Variants in FUBP3 observed in about 807,000 individuals in gnomAD.
FUBP3 encodes the protein far upstream element binding protein 3.
FUBP3 carries 28 observed loss-of-function variants against 85.6 expected under a neutral mutation model. The observed-to-expected ratio is 0.33, with a 90% confidence interval of 0.24 to 0.45. FUBP3 has a LOEUF of 0.45. Ranked by LOEUF, FUBP3 falls within the 20% of genes least tolerant of loss-of-function variation. FUBP3 has a pLI of 1.00. For missense variants in FUBP3, 583 were observed against 755.1 expected (o/e 0.77, Z 2.67); for synonymous variants, 271 against 271.4 (o/e 1.00, Z 0.01).
Position 130,595,510 on chromosome 9 carries a change from C to A in FUBP3, c.112C>A (p.His38Asn). The A allele has an allele frequency of 6.3e-7, 1 of 1,575,230 alleles. No individual in the cohort carries two copies. Among genetic ancestry groups the A allele is most frequent in the Non-Finnish European group, 8.7e-7 (1 of 1,144,544 alleles). ...QIAAKIDSIP[H>N]LNNSTPLVDP... ...TGCTGCTAAAATTGATTCAATTCCT[C>A]ACTTGAATAATTCCACACCTCTAGT... Residue 38 changes from histidine to asparagine, a missense_variant, in exon 2 of 19, where the codon CAC (histidine) becomes AAC (asparagine). Transcript: ENST00000319725.
intron 3 of FUBP3, among the ~76,000 whole-genome samples, chr9:130,610,456 C>T (rs561144892): frequency 1.5e-3 from 236 of 152,272 alleles, no homozygotes; most frequent in African/African-American, 5.5e-3. Context: ...GGGTTCCATC[C>T]TTCCGAAGTG....
At chr9:130,595,360 C>T (rs909583515) in intron 1 of FUBP3, 123 bp from the exon 2 acceptor site, 16 of 660,198 alleles carry the variant, frequency 2.4e-5, no homozygotes, top group South Asian at 5.3e-5. Context: ...TGCGGTGCTG[C>T]CTTCCATTAA....
chr9:130,613,567 TATGG>T (rs2119074496), intron 5 of FUBP3, among the ~76,000 whole-genome samples: 1 of 152,334 alleles, frequency 6.6e-6, no homozygotes, highest in African/African-American at 2.4e-5. Flanking sequence ...TTATTTTATT[TATGG>T]TTTTGTCATC....
rs1831818712 is a variant in FUBP3, at chr9:130,612,883, T to G, written c.275-73T>G. 9.8e-7 allele frequency: 1 copy of G among 1,025,272 alleles called. No homozygotes were observed. The highest frequency in any genetic ancestry group is 1.6e-5 in the African/African-American group (1 of 63,236). The allele number at this position is 1,025,272 out of a possible 1,614,324, so 63.5% of individuals were successfully genotyped here. A position where few individuals can be genotyped will look rare whatever the true frequency, so the allele number is the denominator to read the frequency against. On this transcript the variant is annotated intron_variant, in intron 4 of 18. Transcript: ENST00000319725. This position sits in a 1 kb window ranked among gnomAD's most constrained non-coding sequence, Gnocchi z 4.1. ...GAGCCAAGTGTCACAGTTTGTGGAATTAATTCAGTCATTCCTGCGTGGTGA... is the reference window on the plus strand; with the variant it reads ...GAGCCAAGTGTCACAGTTTGTGGAAGTAATTCAGTCATTCCTGCGTGGTGA...
Position 130,614,308 on chromosome 9 carries a change from A to G in FUBP3, c.367A>G (p.Arg123Gly), listed in dbSNP as rs1486964745. 1 of 1,605,310 alleles carries G rather than the reference A, an allele frequency of 6.2e-7. No homozygotes were observed. The change falls in exon 6 of 19, where the codon AGG (arginine) becomes GGG (glycine). Residue 123 changes from arginine (R) to glycine (G), a missense_variant. Transcript: ENST00000319725. The part of the protein sequence containing the change: ...IASESSGIPE[R>G]PCVLTGTPES... ...TATAGAGAGTTCTGGGATTCCAGAG[A>G]GGCCCTGTGTACTTACCGGAACCCC...
chr9:130,631,048 C>G, intron 13 of FUBP3: 3 of 838,766 alleles, frequency 3.6e-6, no homozygotes, highest in Non-Finnish European at 4.7e-6. Context: ...CGTTCCCCTG[C>G]GGGCTTAGAT....
chr9:130,633,087 C>T (rs1414852379), intron 16 of FUBP3, among the ~76,000 whole-genome samples: 1 of 152,264 alleles, frequency 6.6e-6, no homozygotes, highest in African/African-American at 2.4e-5. Flanking sequence ...CCACTTCAGC[C>T]TTACACAGAG....
At chr9:130,618,193 G>A (rs1328608860) in intron 8 of FUBP3, among the ~76,000 whole-genome samples, 1 of 151,764 alleles carries the variant, frequency 6.6e-6, no homozygotes, top group African/African-American at 2.4e-5. Flanking sequence ...GACTGTTTTG[G>A]ACTGTGTGTG....
At chr9:130,583,747 AGTGT>A (rs767614979) in intron 1 of FUBP3, among the ~76,000 whole-genome samples, 16 of 152,144 alleles carry the variant, frequency 1.1e-4, no homozygotes, top group Non-Finnish European at 1.8e-4. Flanking sequence ...GATGTCACTG[AGTGT>A]GTGTGCGCCA....
intron 1 of FUBP3, chr9:130,582,063 A>G (rs1830152233): frequency 6.6e-6 from 1 of 152,264 alleles, no homozygotes; most frequent in Non-Finnish European, 1.5e-5. Context: ...GAAGATGTCA[A>G]ATAAAATGTA....
intron 16 of FUBP3, among the ~76,000 whole-genome samples, chr9:130,634,219 A>G (rs1162031174): frequency 1.3e-5 from 2 of 152,168 alleles, no homozygotes; most frequent in African/African-American, 4.8e-5. Flanking sequence ...GAGGCTGGAC[A>G]GGGTCCAGGA....
chr9:130,617,284 G>A (rs969085641), intron 7 of FUBP3, among the ~76,000 whole-genome samples: 3 of 152,226 alleles, frequency 2.0e-5, no homozygotes, highest in Admixed American at 6.5e-5. Flanking sequence ...AAAGGATTGT[G>A]GCTTCCCTTG....
intron 1 of FUBP3, among the ~76,000 whole-genome samples, chr9:130,589,339 T>G (rs1373383268): frequency 6.6e-6 from 1 of 150,906 alleles, no homozygotes; most frequent in African/African-American, 2.4e-5. Flanking sequence ...TTTACATTAT[T>G]TATTTATTTA....
rs370599075 is a variant in FUBP3 at position 130,602,942 on chromosome 9, TG to T, written c.191-7010del. Among the ~76,000 whole-genome samples the T allele has an allele frequency of 5.5e-4, 83 of 152,240 alleles. 1 individual carries two copies. In the East Asian group the frequency reaches 0.015, roughly 28 times the overall value. ...CGCCCCTTCTCCCGTTCCCCACTTT[TG>T]GTGTACAGTGGGCGGTCACCTGGGG... is the stretch of plus-strand genomic sequence containing the variant. On this transcript the variant is annotated intron_variant, in intron 2 of 18. Coordinates refer to ENST00000319725, the MANE Select transcript of FUBP3 (RefSeq NM_003934.2).
chr9:130,590,021 ATTTTTTTTTTTT>A (rs60878897), intron 1 of FUBP3, among the ~76,000 whole-genome samples: 23 of 46,000 alleles, frequency 5.0e-4, no homozygotes, highest in African/African-American at 9.6e-4. Context: ...GGCCTATTTA[ATTTTTTTTTTTT>A]TTTTTTTTTT....
In FUBP3 at chr9:130,636,120, C is replaced by T. The variant is rs199874935; in HGVS notation, c.1704C>T (p.His568=). The change falls in exon 18 of 19, where the codon CAC becomes CAT. Residue 568 remains histidine (H), a synonymous_variant. Coordinates refer to ENST00000319725, the MANE Select transcript of FUBP3 (RefSeq NM_003934.2). ...YGQTLGQAQA[H]SQEQ ...AGACGTTAGGGCAGGCGCAGGCCCA[C>T]AGCCAGGTCTGTAGCTGATCACCAG... 5.8e-4 allele frequency: 936 copies of T among 1,613,096 alleles called. 8 individuals are homozygous for T. The highest frequency in any genetic ancestry group is 8.3e-4 in the Middle Eastern group (5 of 6,060).
chr9:130,604,652 C>G (rs1011911062), intron 2 of FUBP3, among the ~76,000 whole-genome samples: 3 of 152,196 alleles, frequency 2.0e-5, no homozygotes, highest in Admixed American at 6.5e-5. Flanking sequence ...TTGTAATCCC[C>G]TTTGGGAGGC....
intron 2 of FUBP3, among the ~76,000 whole-genome samples, chr9:130,600,127 C>T (rs1588128780): frequency 2.1e-5 from 3 of 140,784 alleles, no homozygotes; most frequent in African/African-American, 5.5e-5. Context: ...CTCCCTCCCT[C>T]TTTCCCCCTC....
chr9:130,603,359 A>AC (rs1254176644), intron 2 of FUBP3, among the ~76,000 whole-genome samples: 2 of 144,598 alleles, frequency 1.4e-5, no homozygotes, highest in South Asian at 2.2e-4. Context: ...AAAAAAAAAA[A>AC]AAAAAAAAAC....
Sources: gnomAD v4.1 joint callset for allele counts (sites outside exome capture counted in the v4.1 genomes callset) on GRCh38, gnomAD v4.1.1 for gene constraint, Gnocchi (gnomAD v3.1) non-coding constraint, MANE v1.5 for transcripts, NCBI Gene and HGNC (gene_info 2026-07-23, HGNC 2026-07-21) for gene names.